Variants in EPHA3 observed in about 807,000 individuals in gnomAD.
The protein encoded by EPHA3 is EPH receptor A3.
Under a neutral mutation model 107.1 loss-of-function variants are expected in EPHA3, and 42 were observed. The ratio of observed to expected loss-of-function variants is 0.39; its 90% CI spans 0.31 to 0.51. EPHA3 has a LOEUF of 0.51. Ranked by LOEUF, EPHA3 falls within the 20% of genes least tolerant of loss-of-function variation. The pLI is 0.78. For synonymous variants in EPHA3, 461 were observed against 424.8 expected, an observed-to-expected ratio of 1.09 and a Z score of -1.05; for missense variants, 1,183 against 1,211.2, an observed-to-expected ratio of 0.98 and a Z score of 0.35.
At chr3:89,400,531 C>G (rs1332990073) in intron 7 of EPHA3, among the ~76,000 whole-genome samples, 2 of 151,948 alleles carry the variant, frequency 1.3e-5, no homozygotes, top group Non-Finnish European at 1.5e-5. Flanking sequence ...CCACCTCGCC[C>G]GGCTGTTTAA....
Position 89,413,173 on chromosome 3 carries a change from C to A in EPHA3, c.1795C>A (p.Pro599Thr). Residue 599 changes from proline to threonine, a missense_variant, in exon 10 of 17, where the codon CCA becomes ACA. Transcript: ENST00000336596. ...TCCAGGTCTCAGGACTTATGTTGAC[C>A]CACATACATATGAAGACCCTACCCA... ...KLPGLRTYVDPHTYEDPTQAV... is the reference protein window; with the variant it reads ...KLPGLRTYVDTHTYEDPTQAV... 6.2e-7 allele frequency: 1 copy of A among 1,611,522 alleles called. No individual in the cohort carries two copies. Among genetic ancestry groups the A allele is most frequent in the Non-Finnish European group, 8.5e-7 (1 of 1,178,312 alleles).
intron 15 of EPHA3, among the ~76,000 whole-genome samples, chr3:89,467,038 A>G (rs1710293001): frequency 6.6e-6 from 1 of 152,146 alleles, no homozygotes; most frequent in East Asian, 1.9e-4. Context: ...CCTGTTGGGA[A>G]CTGTATATAT....
At chr3:89,378,666 C>T (rs547261945) in intron 5 of EPHA3, among the ~76,000 whole-genome samples, 21 of 152,272 alleles carry the variant, frequency 1.4e-4, no homozygotes, top group African/African-American at 4.6e-4. Context: ...TTTCTGTAAA[C>T]TACTGAGGTT....
chr3:89,429,627 A>C (rs1709523866), intron 12 of EPHA3, among the ~76,000 whole-genome samples: 1 of 152,144 alleles, frequency 6.6e-6, no homozygotes, highest in South Asian at 2.1e-4. Flanking sequence ...TTTAATTTAG[A>C]TATATCATTT....
At chr3:89,179,101 C>A (rs1198801728) in intron 2 of EPHA3, among the ~76,000 whole-genome samples, 2 of 151,590 alleles carry the variant, frequency 1.3e-5, no homozygotes, top group Admixed American at 6.6e-5. Flanking sequence ...ACCTAATGAA[C>A]CATTTGAGTA....
intron 3 of EPHA3, among the ~76,000 whole-genome samples, chr3:89,300,013 A>C (rs1215625609): frequency 6.6e-6 from 1 of 152,018 alleles, no homozygotes; most frequent in Non-Finnish European, 1.5e-5. Flanking sequence ...TTTGGCCACT[A>C]AGCCAAATAA....
intron 11 of EPHA3, among the ~76,000 whole-genome samples, chr3:89,425,424 A>G (rs1217322425): frequency 7.4e-6 from 1 of 135,328 alleles, no homozygotes; most frequent in Admixed American, 7.9e-5. Flanking sequence ...TTTTCCTTCC[A>G]TCCTGACACT....
Position 89,233,699 on chromosome 3 carries a change from C to T in EPHA3, c.814+23179C>T, listed in dbSNP as rs533953565. Among the ~76,000 whole-genome samples the T allele has an allele frequency of 9.9e-5, 15 of 152,230 alleles. No individual in the cohort carries two copies. In the East Asian group the frequency reaches 2.9e-3, roughly 29 times the overall value. Reference sequence around the variant, plus strand: ...AAGGCTGGAGTATAGTACTAGCCCTCTTTAAGGGAAACGGTGGAAGGCATA... The same window carrying T: ...AAGGCTGGAGTATAGTACTAGCCCTTTTTAAGGGAAACGGTGGAAGGCATA... On this transcript the variant is annotated intron_variant, in intron 3 of 16. Transcript: ENST00000336596.
At chr3:89,427,965 T>C (rs1257700560) in intron 11 of EPHA3, among the ~76,000 whole-genome samples, 1 of 152,024 alleles carries the variant, frequency 6.6e-6, no homozygotes, top group African/African-American at 2.4e-5. Context: ...CCATAATGTA[T>C]ATAGAATTAT....
In EPHA3 at chr3:89,481,251, A is replaced by C. The variant is rs1351535901; in HGVS notation, c.*1749A>C. 2.2e-5 allele frequency: 5 copies of C among 232,160 alleles called. No individual in the cohort carries two copies. The highest frequency in any genetic ancestry group is 1.1e-4 in the African/African-American group (5 of 45,312). The allele number at this position is 232,160 out of a possible 1,614,324, so 14.4% of individuals were successfully genotyped here. ...TTGTAGATTTAGTGTAATAAGACTT[A>C]GATTGTGCTCCTTCGGATATGATTG... is the stretch of plus-strand genomic sequence containing the variant. On this transcript the variant is annotated 3_prime_UTR_variant, in exon 17 of 17. Coordinates refer to ENST00000336596, the MANE Select transcript of EPHA3 (RefSeq NM_005233.6).
At chr3:89,220,809 G>T (rs1321912077) in intron 3 of EPHA3, among the ~76,000 whole-genome samples, 3 of 152,144 alleles carry the variant, frequency 2.0e-5, no homozygotes, top group Non-Finnish European at 4.4e-5. Context: ...AAGTTTCTAT[G>T]CTTTAGTTTT....
At chr3:89,389,611 T>G (rs1175109746) in intron 5 of EPHA3, among the ~76,000 whole-genome samples, 2 of 152,172 alleles carry the variant, frequency 1.3e-5, no homozygotes, top group Non-Finnish European at 2.9e-5. Context: ...ATTTTGAAGT[T>G]TTCACTTCCT....
At chr3:89,469,725 T>G (rs1053503743) in intron 15 of EPHA3, among the ~76,000 whole-genome samples, 4 of 152,236 alleles carry the variant, frequency 2.6e-5, no homozygotes, top group African/African-American at 9.6e-5. Flanking sequence ...TAAAACATTA[T>G]ACAGTTTTAT....
intron 5 of EPHA3, among the ~76,000 whole-genome samples, chr3:89,346,719 T>A (rs1343435820): frequency 6.6e-6 from 1 of 150,484 alleles, no homozygotes; most frequent in Admixed American, 6.7e-5. Context: ...TGGTATTGCC[T>A]AGGTTTTCTT....
intron 3 of EPHA3, among the ~76,000 whole-genome samples, chr3:89,294,099 G>T (rs974002819): frequency 6.6e-6 from 1 of 151,948 alleles, no homozygotes; most frequent in Admixed American, 6.6e-5. Flanking sequence ...ATTGGCCATG[G>T]GTAGGTTGCC....
chr3:89,266,461 G>C (rs1192800647), intron 3 of EPHA3, among the ~76,000 whole-genome samples: 1 of 152,070 alleles, frequency 6.6e-6, no homozygotes, highest in Non-Finnish European at 1.5e-5. Flanking sequence ...TGTCAGTGTT[G>C]AATTGAGGAT....
Position 89,351,619 on chromosome 3 carries a change from A to C in EPHA3, c.1306+9529A>C, listed in dbSNP as rs147676486. Among the ~76,000 whole-genome samples, 176 of 151,324 alleles carry C rather than the reference A, an allele frequency of 1.2e-3. 1 individual carries two copies. Among genetic ancestry groups the C allele is most frequent in the African/African-American group, 4.1e-3 (172 of 41,470 alleles). On this transcript the variant is annotated intron_variant, in intron 5 of 16. Coordinates refer to ENST00000336596, the MANE Select transcript of EPHA3 (RefSeq NM_005233.6). The stretch of plus-strand genomic sequence containing the variant: ...GGAGCTGTAGACCGGAGCTGTTCCT[A>C]TTCGGCCATCTTGGCTCCTCCTGAG...
At chr3:89,455,791 T>TA (rs1426806537) in intron 15 of EPHA3, among the ~76,000 whole-genome samples, 1 of 152,226 alleles carries the variant, frequency 6.6e-6, no homozygotes, top group African/African-American at 2.4e-5. Flanking sequence ...ACACATCATG[T>TA]ATGTGTTGAC....
chr3:89,377,644 CCCTCATTTTTTTT>C (rs907211901), intron 5 of EPHA3, among the ~76,000 whole-genome samples: 1 of 151,974 alleles, frequency 6.6e-6, no homozygotes, highest in Non-Finnish European at 1.5e-5. Flanking sequence ...TAGCATTTTT[CCCTCATTTTTTTT>C]CCTAGCTAGG....
Sources: gnomAD v4.1 joint callset for allele counts (sites outside exome capture counted in the v4.1 genomes callset) on GRCh38, gnomAD v4.1.1 for gene constraint, MANE v1.5 for transcripts, NCBI Gene and HGNC (gene_info 2026-07-23, HGNC 2026-07-21) for gene names.